MID2: variants seen among roughly 807,000 people sequenced by gnomAD.
MID2 encodes the protein probable E3 ubiquitin-protein ligase MID2.
In MID2, 13 loss-of-function variants were observed where a neutral mutation model predicts 46.1. The observed-to-expected ratio is 0.28, with a 90% confidence interval of 0.18 to 0.45. The LOEUF (loss-of-function observed/expected upper bound fraction) is 0.45. Among genes scored for constraint, MID2 ranks in the 20% least tolerant of loss-of-function variants. MID2 has a pLI of 1.00. For missense variants in MID2, 431 were observed against 575.4 expected (o/e 0.75, Z 2.57); for synonymous variants, 199 against 212.3 (o/e 0.94, Z 0.55).
chrX:107,879,812 G>A (rs1355621848), intron 3 of MID2, among the ~76,000 whole-genome samples: 1 of 110,721 alleles, frequency 9.0e-6, no homozygotes, highest in Non-Finnish European at 1.9e-5. Flanking sequence ...GATCAGAGAT[G>A]GTAAACTATA....
chrX:107,844,753 A>G (rs1272125223), intron 2 of MID2, among the ~76,000 whole-genome samples: 1 of 111,100 alleles, frequency 9.0e-6, no homozygotes, highest in African/African-American at 3.3e-5. Flanking sequence ...TGCAAAATAT[A>G]CCATTCTCTT....
intron 7 of MID2, among the ~76,000 whole-genome samples, chrX:107,920,319 C>G (rs1326163484): frequency 1.8e-5 from 2 of 111,887 alleles, no homozygotes; most frequent in East Asian, 5.6e-4. Context: ...ACTTTCTTCC[C>G]ACCTCTTCTA....
At chrX:107,830,412 T>C (rs182952565) in intron 1 of MID2, among the ~76,000 whole-genome samples, 35 of 111,825 alleles carry the variant, frequency 3.1e-4, no homozygotes, top group African/African-American at 1.1e-3. Context: ...CCATTTAGCA[T>C]TAAGTTTTTG....
intron 3 of MID2, among the ~76,000 whole-genome samples, chrX:107,865,741 A>G (rs1458068238): frequency 8.9e-6 from 1 of 112,550 alleles, no homozygotes; most frequent in Non-Finnish European, 1.9e-5. Flanking sequence ...CTCCTTAGTA[A>G]CATCAAAGGC....
At position 107,931,160 on chromosome X, in the gene MID2, A is replaced by T. The variant is rs1477959021; in HGVS notation, c.*4087A>T. Among the ~76,000 whole-genome samples the T allele has an allele frequency of 1.8e-5, 2 of 112,562 alleles. No individual in the cohort carries two copies. Among genetic ancestry groups the T allele is most frequent in the Non-Finnish European group, 3.8e-5 (2 of 53,291 alleles). ...GTTTACATATTTATATATGACTACCAAGATGGAGCAATCCACGGATGGACT... is the reference window on the plus strand; with the variant it reads ...GTTTACATATTTATATATGACTACCTAGATGGAGCAATCCACGGATGGACT... On this transcript the variant is annotated 3_prime_UTR_variant, in exon 10 of 10. Transcript: ENST00000262843.
intron 3 of MID2, among the ~76,000 whole-genome samples, chrX:107,891,382 G>A (rs1212896975): frequency 9.3e-6 from 1 of 107,362 alleles, no homozygotes; most frequent in Non-Finnish European, 1.9e-5. Flanking sequence ...TCAGGTTCAA[G>A]TGATTCTCCT....
intron 7 of MID2, among the ~76,000 whole-genome samples, chrX:107,923,952 G>A (rs913001360): frequency 4.5e-5 from 5 of 111,933 alleles, no homozygotes; most frequent in African/African-American, 1.6e-4. Flanking sequence ...GCTCTGCACA[G>A]GATTGCTCCA....
At chrX:107,881,436 C>T (rs1932314496) in intron 3 of MID2, among the ~76,000 whole-genome samples, 2 of 112,478 alleles carry the variant, frequency 1.8e-5, no homozygotes, top group Admixed American at 1.9e-4. Flanking sequence ...ACACTTTCTG[C>T]CATCCCTGCA....
intron 5 of MID2, among the ~76,000 whole-genome samples, chrX:107,907,878 A>G (rs935669967): frequency 3.6e-5 from 4 of 112,393 alleles, no homozygotes; most frequent in Admixed American, 1.9e-4. Flanking sequence ...TGATAATACC[A>G]TTATCAATAG....
At chrX:107,880,247 G>A (rs949132954) in intron 3 of MID2, among the ~76,000 whole-genome samples, 1 of 110,111 alleles carries the variant, frequency 9.1e-6, no homozygotes, top group African/African-American at 3.3e-5. Context: ...TCAGACTCCC[G>A]AGTAGCTGGG....
intron 3 of MID2, among the ~76,000 whole-genome samples, chrX:107,885,696 C>T (rs1204692280): frequency 8.9e-6 from 1 of 111,873 alleles, no homozygotes; most frequent in African/African-American, 3.3e-5. Flanking sequence ...GGAATCGCAA[C>T]ACTGACTTCC....
At chrX:107,898,847 C>T (rs1932767070) in intron 3 of MID2, among the ~76,000 whole-genome samples, 1 of 112,198 alleles carries the variant, frequency 8.9e-6, no homozygotes, top group South Asian at 3.7e-4. Flanking sequence ...CTGGCATTTA[C>T]TGTGTAGAGT....
At chrX:107,895,543 G>A (rs188585285) in intron 3 of MID2, 120 of 111,982 alleles carry the variant, frequency 1.1e-3, no homozygotes, top group African/African-American at 3.3e-3. Context: ...TCTACTATGT[G>A]AATATTCTAC....
At chrX:107,833,813 AGACAAAGT>A (rs773878897) in intron 1 of MID2, among the ~76,000 whole-genome samples, 1 of 110,977 alleles carries the variant, frequency 9.0e-6, no homozygotes, top group African/African-American at 3.3e-5. Context: ...ATTTATTTTG[AGACAAAGT>A]CTCATGCTGT....
Position 107,928,850 on chromosome X carries a change from A to G in MID2, c.*1777A>G, listed in dbSNP as rs1449378212. On this transcript the variant is annotated 3_prime_UTR_variant, in exon 10 of 10. Coordinates refer to ENST00000262843, the MANE Select transcript of MID2 (RefSeq NM_012216.4). ...GCTCAAAAATATAAATCTAGCAGCA[A>G]TGTCATCTTTTTTGATTTTAAATAC... 1.8e-5 allele frequency among the ~76,000 whole-genome samples: 2 copies of G among 112,343 alleles called. No homozygotes were observed. Among genetic ancestry groups the G allele is most frequent in the African/African-American group, 6.5e-5 (2 of 30,971 alleles).
chrX:107,917,419 G>A (rs1046535880), intron 6 of MID2, 87 bp from the exon 7 acceptor site: 1 of 723,248 alleles, frequency 1.4e-6, no homozygotes, highest in African/African-American at 2.1e-5. Flanking sequence ...TTCAAGAGAT[G>A]TTGGGTTACG....
chrX:107,860,740 CACTT>C (rs1931836186), intron 3 of MID2, among the ~76,000 whole-genome samples: 1 of 112,408 alleles, frequency 8.9e-6, no homozygotes, highest in African/African-American at 3.2e-5. Flanking sequence ...TAATAAGTAA[CACTT>C]ACTGAGGATT....
chrX:107,903,443 CACG>C (rs1346329962), intron 3 of MID2, among the ~76,000 whole-genome samples: 3 of 110,871 alleles, frequency 2.7e-5, no homozygotes, highest in African/African-American at 9.9e-5. Flanking sequence ...CCCACTAAAA[CACG>C]ACAACTATCT....
Position 107,904,057 on chromosome X carries a change from G to C in MID2, c.916G>C (p.Glu306Gln). The C allele has an allele frequency of 8.5e-7, 1 of 1,172,914 alleles. No individual in the cohort carries two copies. Among genetic ancestry groups the C allele is most frequent in the Non-Finnish European group, 1.2e-6 (1 of 860,101 alleles). The change falls in exon 4 of 10, where the codon GAG becomes CAG. Residue 306 changes from glutamate to glutamine, a missense_variant. By Grantham distance (29) the Glu-to-Gln change is conservative. Transcript: ENST00000262843. The stretch of plus-strand genomic sequence containing the variant: ...GCAAATGATCGCTGTCAAAATCAAA[G>C]AGACAAAGGTAAAGCGCAGCACTTC... Reference protein sequence around the residue: ...RKQMIAVKIKETKVMKLRKLA... With the variant: ...RKQMIAVKIKQTKVMKLRKLA...
Sources: allele counts gnomAD v4.1 joint callset (sites outside exome capture counted in the v4.1 genomes callset), GRCh38; gene constraint gnomAD v4.1.1; transcripts MANE v1.5; gene names NCBI Gene and HGNC (gene_info 2026-07-23, HGNC 2026-07-21).